Variants in SGSM1 observed in about 807,000 individuals in gnomAD.
SGSM1 encodes small G protein signaling modulator 1.
Under a neutral mutation model 133.8 loss-of-function variants are expected in SGSM1, and 73 were observed. The ratio of observed to expected loss-of-function variants is 0.55; its 90% CI spans 0.45 to 0.66. The LOEUF is 0.66. Ranked by LOEUF, SGSM1 falls within the 30% of genes least tolerant of loss-of-function variation. SGSM1 has a pLI of 0.00. For missense variants in SGSM1, 1,213 were observed against 1,448.1 expected, an observed-to-expected ratio of 0.84 and a Z score of 2.64; for synonymous variants, 563 against 573.0, an observed-to-expected ratio of 0.98 and a Z score of 0.25.
rs1412253216 is a variant in SGSM1, at chr22:24,926,485, G to T, written c.*2211G>T. On this transcript the variant is annotated 3_prime_UTR_variant, in exon 25 of 25. Transcript: ENST00000400358. ...GAGAAAACTATTTTGCCGTTCAGCT[G>T]TTCTTTACAGAGGATGTTATTTTAG... The T allele has an allele frequency of 6.6e-6, 1 of 152,216 alleles. No homozygotes were observed. Among genetic ancestry groups the T allele is most frequent in the Non-Finnish European group, 1.5e-5 (1 of 68,036 alleles). 9.4% of individuals were successfully genotyped at this position (152,216 alleles called of 1,614,324 possible). A position where few individuals can be genotyped will look rare whatever the true frequency, so the allele number is the denominator to read the frequency against.
intron 2 of SGSM1, among the ~76,000 whole-genome samples, chr22:24,842,325 C>T (rs5996775): frequency 0.13 from 20,222 of 152,146 alleles, 1,556 homozygotes; most frequent in South Asian, 0.24. Flanking sequence ...AGCTGTGTGA[C>T]CCCAGACAGA....
intron 14 of SGSM1, among the ~76,000 whole-genome samples, chr22:24,882,636 A>G (rs1932394098): frequency 6.6e-6 from 1 of 152,204 alleles, no homozygotes; most frequent in African/African-American, 2.4e-5. Context: ...TTTTTGTACC[A>G]TTAACCAACG....
intron 2 of SGSM1, among the ~76,000 whole-genome samples, chr22:24,840,405 G>A (rs1157659560): frequency 2.0e-5 from 3 of 152,054 alleles, no homozygotes; most frequent in African/African-American, 7.3e-5. Flanking sequence ...GTGCAATAGT[G>A]CGTTCTCGGC....
chr22:24,869,724 G>A (rs962949072), intron 12 of SGSM1, among the ~76,000 whole-genome samples: 1 of 152,096 alleles, frequency 6.6e-6, no homozygotes, highest in African/African-American at 2.4e-5. Context: ...ACTTTACACC[G>A]GTAGAGGCGA....
intron 21 of SGSM1, among the ~76,000 whole-genome samples, chr22:24,910,834 A>C (rs1227366193): frequency 1.3e-5 from 2 of 152,158 alleles, no homozygotes; most frequent in Non-Finnish European, 2.9e-5. Context: ...AATTCCAGCT[A>C]CACGGGAGGC....
intron 12 of SGSM1, among the ~76,000 whole-genome samples, chr22:24,869,310 A>G (rs1881957857): frequency 6.6e-6 from 1 of 152,204 alleles, no homozygotes; most frequent in Admixed American, 6.5e-5. Flanking sequence ...GCCTGAGCCC[A>G]GGAGTTTAAG....
At chr22:24,845,084 G>T (rs1174377423) in intron 3 of SGSM1, 112 bp downstream of exon 3, 2 of 946,224 alleles carry the variant, frequency 2.1e-6, no homozygotes, top group African/African-American at 3.3e-5. Flanking sequence ...TTGGATTCCA[G>T]AGGGGGACTC....
At chr22:24,877,420 C>T (rs1932078242) in intron 13 of SGSM1, among the ~76,000 whole-genome samples, 1 of 152,050 alleles carries the variant, frequency 6.6e-6, no homozygotes, top group African/African-American at 2.4e-5. Context: ...AAATCTCAAG[C>T]TCATCTTCTG....
rs942865353 is a variant in SGSM1, at chr22:24,912,134, G to A, written c.2819-509G>A. On this transcript the variant is annotated intron_variant, in intron 21 of 24. Transcript: ENST00000400358. ...CCTGAGAAACTGCGACAGCCAAGAG[G>A]AGCTTAAGGGAACATAACCAATTGA... Among the ~76,000 whole-genome samples the A allele has an allele frequency of 2.0e-5, 3 of 151,942 alleles. No individual in the cohort carries two copies. In the East Asian group the frequency reaches 5.8e-4, roughly 29 times the overall value.
At chr22:24,810,310 C>T (rs909382670) in intron 2 of SGSM1, among the ~76,000 whole-genome samples, 1 of 151,718 alleles carries the variant, frequency 6.6e-6, no homozygotes, top group African/African-American at 2.4e-5. Context: ...ACACCCACCA[C>T]GTTAGCCTGA....
At chr22:24,853,027 G>C (rs1036239537) in intron 5 of SGSM1, among the ~76,000 whole-genome samples, 15 of 152,158 alleles carry the variant, frequency 9.9e-5, no homozygotes, top group African/African-American at 3.1e-4. Flanking sequence ...CTGATGTTGG[G>C]CTCTGTGCTG....
At chr22:24,888,938 C>CTTTTTTTTTTTTTTTT (rs1234715475) in intron 16 of SGSM1, among the ~76,000 whole-genome samples, 3 of 79,946 alleles carry the variant, frequency 3.8e-5, no homozygotes, top group East Asian at 3.4e-4. Context: ...TCATAGTCAC[C>CTTTTTTTTTTTTTTTT]TTTTTTTTTT....
At chr22:24,810,238 G>A (rs2147776758) in intron 2 of SGSM1, among the ~76,000 whole-genome samples, 1 of 152,174 alleles carries the variant, frequency 6.6e-6, no homozygotes, top group Non-Finnish European at 1.5e-5. Context: ...TCAGTGTGTG[G>A]GTTTCCGTTT....
At chr22:24,878,486 A>T (rs1932145588) in intron 13 of SGSM1, among the ~76,000 whole-genome samples, 1 of 152,158 alleles carries the variant, frequency 6.6e-6, no homozygotes, top group African/African-American at 2.4e-5. Context: ...TAATGTTCCT[A>T]ACTGTCTCAA....
At chr22:24,886,413 G>C (rs1023029723) in intron 15 of SGSM1, among the ~76,000 whole-genome samples, 187 bp from the exon 16 acceptor site, 2 of 150,182 alleles carry the variant, frequency 1.3e-5, no homozygotes, top group Non-Finnish European at 3.0e-5. Flanking sequence ...GAAGAAGATA[G>C]CTCAGGGTGG....
chr22:24,902,090 C>G, intron 20 of SGSM1, 133 bp downstream of exon 20: 3 of 943,448 alleles, frequency 3.2e-6, no homozygotes, highest in Non-Finnish European at 3.2e-6. Flanking sequence ...CTTACTTAGC[C>G]CACAGTGAAA....
At chr22:24,830,064 GCCT>G (rs1243585440) in intron 2 of SGSM1, among the ~76,000 whole-genome samples, 2 of 152,056 alleles carry the variant, frequency 1.3e-5, no homozygotes, top group Non-Finnish European at 2.9e-5. Context: ...GGAGTGTGTG[GCCT>G]CCTCTTTCTT....
At chr22:24,850,850 C>A (rs1308532462) in intron 5 of SGSM1, among the ~76,000 whole-genome samples, 1 of 152,172 alleles carries the variant, frequency 6.6e-6, no homozygotes, top group African/African-American at 2.4e-5. Context: ...GTAATCCCAG[C>A]ACTTTGGGAG....
intron 3 of SGSM1, among the ~76,000 whole-genome samples, chr22:24,845,652 T>C (rs1240063647): frequency 6.6e-6 from 1 of 152,232 alleles, no homozygotes; most frequent in Non-Finnish European, 1.5e-5. Context: ...CCCGTGATCT[T>C]GGTCCTGTGG....
Sources: gnomAD v4.1 joint callset for allele counts (sites outside exome capture counted in the v4.1 genomes callset) on GRCh38, gnomAD v4.1.1 for gene constraint, MANE v1.5 for transcripts, NCBI Gene and HGNC (gene_info 2026-07-23, HGNC 2026-07-21) for gene names.